Variants in PRPS1 observed in about 807,000 individuals in gnomAD.
PRPS1 encodes phosphoribosyl pyrophosphate synthetase 1.
Under a neutral mutation model 16.9 loss-of-function variants are expected in PRPS1, and 1 was observed. The observed-to-expected ratio is 0.06, with a 90% CI of 0.02 to 0.28. The LOEUF (loss-of-function observed/expected upper bound fraction) is 0.28, where lower values mean the gene tolerates loss of function less well. Ranked by LOEUF, PRPS1 falls within the 10% of genes least tolerant of loss-of-function variation. The pLI, the probability that PRPS1 is intolerant of heterozygous loss-of-function variation, is 1.00. For synonymous variants in PRPS1, 70 were observed against 90.2 expected (o/e 0.78, Z 1.27); for missense variants, 47 against 254.0 (o/e 0.19, Z 5.54).
chrX:107,633,134 A>G (rs1925344589), intron 1 of PRPS1, among the ~76,000 whole-genome samples: 1 of 111,558 alleles, frequency 9.0e-6, no homozygotes, highest in Non-Finnish European at 1.9e-5. Flanking sequence ...TAATTTTAAA[A>G]AGTTTGAGCC....
intron 1 of PRPS1, chrX:107,630,291 G>T (rs1925279737): frequency 8.9e-6 from 1 of 112,369 alleles, no homozygotes. Context: ...TTTGGCCCCT[G>T]TGGATATTTA....
At chrX:107,642,231 C>T in intron 3 of PRPS1, 135 bp from the exon 4 acceptor site, 1 of 926,113 alleles carries the variant, frequency 1.1e-6, no homozygotes, top group Non-Finnish European at 1.5e-6. Flanking sequence ...TATAATCTAC[C>T]ACACTGGGCC....
Position 107,650,998 on chromosome X carries a change from AAACT to A in PRPS1, c.*969_*972del, listed in dbSNP as rs1355771623. 1 of 167,819 alleles carries A rather than the reference AAACT, an allele frequency of 6.0e-6. No individual in the cohort carries two copies. Among genetic ancestry groups the A allele is most frequent in the Non-Finnish European group, 1.1e-5 (1 of 89,267 alleles). 13.8% of individuals were successfully genotyped at this position (167,819 alleles called of 1,213,427 possible). A position where few individuals can be genotyped will look rare whatever the true frequency, so the allele number is the denominator to read the frequency against. ...TTGATGTTATTGTCTCTTGTAGAGG[AAACT>A]AATAAAGTGTGTGTACCTGTGTGAT... On this transcript the variant is annotated 3_prime_UTR_variant, in exon 7 of 7. Coordinates refer to ENST00000372435, the MANE Select transcript of PRPS1 (RefSeq NM_002764.4).
intron 1 of PRPS1, 99 bp downstream of exon 1, chrX:107,628,849 T>TG: frequency 9.8e-6 from 11 of 1,127,951 alleles, no homozygotes; most frequent in Middle Eastern, 2.4e-4. Context: ...GACTGGGGGT[T>TG]GGGGGGAGAG....
chrX:107,648,377 A>G (rs996163838), intron 6 of PRPS1, among the ~76,000 whole-genome samples: 9 of 111,486 alleles, frequency 8.1e-5, no homozygotes, highest in African/African-American at 2.9e-4. Flanking sequence ...GTTCACATTA[A>G]TCTATGAGCT....
intron 6 of PRPS1, among the ~76,000 whole-genome samples, chrX:107,649,621 T>A (rs772860925): frequency 2.3e-4 from 26 of 110,743 alleles, no homozygotes; most frequent in Non-Finnish European, 4.5e-4. Context: ...CATGCTTGGT[T>A]AATTTTTGTA....
chrX:107,650,040 A>T lies in PRPS1; in HGVS notation c.*8A>T. ...AGCCATGTCCCTTTATAATAGAGTA[A>T]CTTCTGAGGCTTTTTGAGAATAAAA... is the stretch of plus-strand genomic sequence containing the variant. On this transcript the variant is annotated 3_prime_UTR_variant, in exon 7 of 7. Transcript: ENST00000372435. 8.3e-7 allele frequency: 1 copy of T among 1,211,614 alleles called. No individual in the cohort carries two copies. The highest frequency in any genetic ancestry group is 2.3e-4 in the Middle Eastern group (1 of 4,343).
At chrX:107,643,804 C>CT (rs779324274) in intron 4 of PRPS1, among the ~76,000 whole-genome samples, 47 of 111,795 alleles carry the variant, frequency 4.2e-4, no homozygotes, top group Middle Eastern at 4.6e-3. Context: ...ATGTTATGTG[C>CT]TTATGCAGTA....
chrX:107,628,808 G>A, intron 1 of PRPS1, 58 bp downstream of exon 1: 1 of 1,205,902 alleles, frequency 8.3e-7, no homozygotes, highest in Admixed American at 2.2e-5. Flanking sequence ...CAGAGTATAG[G>A]AGGGATGGGG....
chrX:107,643,209 CTCTTT>C (rs1380666359), intron 4 of PRPS1, among the ~76,000 whole-genome samples: 2 of 112,215 alleles, frequency 1.8e-5, no homozygotes, highest in Non-Finnish European at 3.8e-5. Context: ...TCTCAACAAC[CTCTTT>C]TATTTCAGTA....
chrX:107,638,411 A>C (rs1010964000), intron 1 of PRPS1, among the ~76,000 whole-genome samples: 1 of 110,622 alleles, frequency 9.0e-6, no homozygotes, highest in Non-Finnish European at 1.9e-5. Flanking sequence ...ACCCTGACTA[A>C]TTTTTTTATT....
At chrX:107,632,932 C>T (rs1925338993) in intron 1 of PRPS1, among the ~76,000 whole-genome samples, 1 of 111,868 alleles carries the variant, frequency 8.9e-6, no homozygotes, top group Non-Finnish European at 1.9e-5. Context: ...CACATTAAAA[C>T]AAGGCAGTAT....
chrX:107,631,772 C>T lies in PRPS1; in HGVS notation c.122+3022C>T, dbSNP rs372450890. On this transcript the variant is annotated intron_variant, in intron 1 of 6. Coordinates refer to ENST00000372435, the MANE Select transcript of PRPS1 (RefSeq NM_002764.4). ...TGCGATCTCAGCTCACTGCAACCTC[C>T]GCCACCCAGGTTCAAGCAGTTCTCC... Among the ~76,000 whole-genome samples, 24 of 111,916 alleles carry T rather than the reference C, an allele frequency of 2.1e-4. 1 individual carries two copies. The highest frequency in any genetic ancestry group is 2.8e-4 in the East Asian group (1 of 3,598).
chrX:107,649,545 C>A (rs143986841), intron 6 of PRPS1, among the ~76,000 whole-genome samples: 2 of 112,682 alleles, frequency 1.8e-5, no homozygotes, highest in African/African-American at 6.4e-5. Context: ...ACCTCCACCT[C>A]CCAGGTTCAA....
intron 3 of PRPS1, 64 bp downstream of exon 3, chrX:107,641,064 A>T: frequency 2.5e-6 from 3 of 1,211,166 alleles, no homozygotes; most frequent in Non-Finnish European, 3.4e-6. Flanking sequence ...GATGCTGAAG[A>T]CTGCAGAGAA....
intron 1 of PRPS1, among the ~76,000 whole-genome samples, chrX:107,634,339 C>T (rs1318536825): frequency 1.8e-5 from 2 of 109,561 alleles, no homozygotes; most frequent in African/African-American, 3.3e-5. Context: ...CTCAGCCTCC[C>T]GAGTAGCTGG....
chrX:107,647,882 C>A, intron 6 of PRPS1, 117 bp downstream of exon 6: 2 of 829,956 alleles, frequency 2.4e-6, no homozygotes, highest in Non-Finnish European at 3.5e-6. Flanking sequence ...AGGATTTAGT[C>A]TTGTCATCAG....
intron 1 of PRPS1, among the ~76,000 whole-genome samples, chrX:107,636,433 A>G (rs756969417): frequency 2.7e-5 from 3 of 112,599 alleles, no homozygotes; most frequent in African/African-American, 6.4e-5. Flanking sequence ...AAAAAGGTTT[A>G]TCCTAAACTA....
At chrX:107,648,073 A>G (rs1300981332) in intron 6 of PRPS1, among the ~76,000 whole-genome samples, 1 of 112,183 alleles carries the variant, frequency 8.9e-6, no homozygotes, top group East Asian at 2.8e-4. Context: ...TCTGATGCAA[A>G]TTAAAGTTTT....
Sources: allele counts gnomAD v4.1 joint callset (sites outside exome capture counted in the v4.1 genomes callset), GRCh38; gene constraint gnomAD v4.1.1; transcripts MANE v1.5; gene names NCBI Gene and HGNC (gene_info 2026-07-23, HGNC 2026-07-21).